AFG1L: variants seen among roughly 807,000 people sequenced by gnomAD.
AFG1L encodes AFG1-like ATPase.
AFG1L carries 53 observed loss-of-function variants against 62.2 expected under a neutral mutation model. The ratio of observed to expected loss-of-function variants is 0.85; its 90% CI spans 0.68 to 1.07. The LOEUF (loss-of-function observed/expected upper bound fraction) is 1.07, where lower values mean the gene tolerates loss of function less well. Ranked by LOEUF, AFG1L falls within the 50% of genes least tolerant of loss-of-function variation. AFG1L has a pLI of 0.00. For missense variants in AFG1L, 555 were observed against 590.5 expected (o/e 0.94, Z 0.62); for synonymous variants, 228 against 210.3 (o/e 1.08, Z -0.73).
At chr6:108,513,171 C>T (rs1019620941) in intron 11 of AFG1L, among the ~76,000 whole-genome samples, 3 of 152,316 alleles carry the variant, frequency 2.0e-5, no homozygotes, top group African/African-American at 7.2e-5. Context: ...CTCCAGTCTA[C>T]AGCTCCCAGC....
At chr6:108,383,557 G>A (rs978626504) in intron 6 of AFG1L, among the ~76,000 whole-genome samples, 24 of 152,168 alleles carry the variant, frequency 1.6e-4, no homozygotes, top group South Asian at 8.3e-4. Context: ...AAGTGAAATC[G>A]GTCATGTAGG....
intron 1 of AFG1L, among the ~76,000 whole-genome samples, chr6:108,315,196 A>C (rs750281723): frequency 6.6e-6 from 1 of 151,576 alleles, no homozygotes; most frequent in Non-Finnish European, 1.5e-5. Context: ...GTCCTTTCCA[A>C]CCTCTTCTTG....
intron 2 of AFG1L, among the ~76,000 whole-genome samples, chr6:108,342,385 G>A (rs899114838): frequency 2.0e-5 from 3 of 152,166 alleles, no homozygotes; most frequent in Non-Finnish European, 4.4e-5. Context: ...ACAAGTTATA[G>A]GGAATTAAAT....
rs139639712 is a variant in AFG1L at position 108,439,280 on chromosome 6, A to G, written c.808-7934A>G. Among the ~76,000 whole-genome samples, 304 of 152,322 alleles carry G rather than the reference A, an allele frequency of 2.0e-3. 2 individuals carry two copies. Among genetic ancestry groups the G allele is most frequent in the African/African-American group, 6.6e-3 (273 of 41,568 alleles). On this transcript the variant is annotated intron_variant, in intron 7 of 12. Transcript: ENST00000368977. ...CAAACGCTATATCTTATTCATCATT[A>G]TATCTCTAGTAGCCAGGGAAGTGCC...
At chr6:108,326,528 A>G (rs2114318983) in intron 2 of AFG1L, among the ~76,000 whole-genome samples, 1 of 152,324 alleles carries the variant, frequency 6.6e-6, no homozygotes, top group East Asian at 1.9e-4. Flanking sequence ...TAATAGTAGT[A>G]AGAGTTAAAA....
chr6:108,522,019 T>C, intron 12 of AFG1L: 1 of 250,096 alleles, frequency 4.0e-6, no homozygotes, highest in South Asian at 5.1e-5. Flanking sequence ...TCAGAACTAC[T>C]GGTTTTTTTT....
chr6:108,356,470 C>T (rs914324678), intron 4 of AFG1L, among the ~76,000 whole-genome samples: 9 of 152,146 alleles, frequency 5.9e-5, no homozygotes, highest in Non-Finnish European at 1.2e-4. Flanking sequence ...ATGAAATGAC[C>T]TTGAAGTTTC....
intron 8 of AFG1L, among the ~76,000 whole-genome samples, chr6:108,462,446 A>G (rs376495478): frequency 7.9e-5 from 12 of 152,180 alleles, no homozygotes; most frequent in African/African-American, 2.4e-4. Flanking sequence ...ACAAAATTGT[A>G]CATTTGGTAT....
intron 7 of AFG1L, among the ~76,000 whole-genome samples, chr6:108,408,873 A>T (rs1040901881): frequency 6.6e-6 from 1 of 151,878 alleles, no homozygotes; most frequent in Non-Finnish European, 1.5e-5. Flanking sequence ...GCCATATTTT[A>T]TCATAGAAAC....
intron 2 of AFG1L, among the ~76,000 whole-genome samples, chr6:108,324,981 C>T (rs1777981780): frequency 6.6e-6 from 1 of 152,196 alleles, no homozygotes; most frequent in Non-Finnish European, 1.5e-5. Context: ...GTGTGAGCCA[C>T]TGTGCCTGGC....
chr6:108,479,017 A>G (rs1238025414), intron 10 of AFG1L, among the ~76,000 whole-genome samples: 2 of 152,188 alleles, frequency 1.3e-5, no homozygotes, highest in Admixed American at 1.3e-4. Flanking sequence ...ACTACAAACT[A>G]AACTCTTAGA....
At chr6:108,413,563 C>G (rs553791649) in intron 7 of AFG1L, among the ~76,000 whole-genome samples, 13 of 152,296 alleles carry the variant, frequency 8.5e-5, no homozygotes, top group Admixed American at 4.6e-4. Context: ...TTACAACAAA[C>G]TGTCTCTCAG....
At chr6:108,476,324 T>C (rs1773102787) in intron 8 of AFG1L, among the ~76,000 whole-genome samples, 1 of 152,210 alleles carries the variant, frequency 6.6e-6, no homozygotes, top group African/African-American at 2.4e-5. Context: ...TGGTCTATAA[T>C]TGTCCTTATA....
chr6:108,360,774 A>T (rs953803445), intron 5 of AFG1L, among the ~76,000 whole-genome samples: 4 of 152,186 alleles, frequency 2.6e-5, no homozygotes, highest in African/African-American at 9.7e-5. Flanking sequence ...AGTTTCTCCA[A>T]TACACCAAAA....
intron 6 of AFG1L, among the ~76,000 whole-genome samples, chr6:108,367,600 A>G (rs1582450411): frequency 6.6e-6 from 1 of 152,180 alleles, no homozygotes; most frequent in Non-Finnish European, 1.5e-5. Context: ...GTTTACTGAG[A>G]TGGGGAAGAC....
At chr6:108,415,906 C>A (rs570252432) in intron 7 of AFG1L, among the ~76,000 whole-genome samples, 1 of 152,112 alleles carries the variant, frequency 6.6e-6, no homozygotes, top group Non-Finnish European at 1.5e-5. Flanking sequence ...CAACAGAAGC[C>A]AAAATTGACA....
intron 7 of AFG1L, among the ~76,000 whole-genome samples, chr6:108,416,067 A>G (rs577185796): frequency 1.3e-5 from 2 of 152,324 alleles, no homozygotes; most frequent in South Asian, 4.1e-4. Context: ...ACTCAAACAA[A>G]TTTACAAGAA....
intron 10 of AFG1L, among the ~76,000 whole-genome samples, chr6:108,504,598 A>G (rs1774327742): frequency 6.6e-6 from 1 of 152,236 alleles, no homozygotes; most frequent in Non-Finnish European, 1.5e-5. Flanking sequence ...AAAATGTGAC[A>G]CAGAGACATG....
chr6:108,298,298 C>T (rs554709921), intron 1 of AFG1L, among the ~76,000 whole-genome samples: 14 of 144,004 alleles, frequency 9.7e-5, no homozygotes, highest in South Asian at 8.9e-4. Context: ...CAGAGTCTCG[C>T]TCTGTCACCC....
Sources: allele counts gnomAD v4.1 joint callset (sites outside exome capture counted in the v4.1 genomes callset), GRCh38; gene constraint gnomAD v4.1.1; transcripts MANE v1.5; gene names NCBI Gene and HGNC (gene_info 2026-07-23, HGNC 2026-07-21).